Variants in IL6ST observed in about 807,000 individuals in gnomAD.
IL6ST encodes interleukin-6 receptor subunit beta.
A neutral mutation model predicts 91.3 loss-of-function variants in IL6ST; 24 were observed. The observed-to-expected ratio is 0.26, with a 90% CI of 0.19 to 0.37. The LOEUF (loss-of-function observed/expected upper bound fraction) is 0.37, where lower values mean the gene tolerates loss of function less well. IL6ST is among the 10% of genes least tolerant of loss of function. The pLI is 1.00. For missense variants in IL6ST, 914 were observed against 1,078.5 expected (o/e 0.85, Z 2.14); for synonymous variants, 351 against 373.6 (o/e 0.94, Z 0.70).
chr5:55,947,348 T>C, intron 15 of IL6ST, 145 bp downstream of exon 15: 2 of 591,546 alleles, frequency 3.4e-6, no homozygotes, highest in Non-Finnish European at 6.0e-6. Flanking sequence ...ATGTTCTATA[T>C]TGTGATTATG....
At chr5:55,990,618 C>G (rs1754266529) in intron 1 of IL6ST, among the ~76,000 whole-genome samples, 1 of 152,154 alleles carries the variant, frequency 6.6e-6, no homozygotes, top group African/African-American at 2.4e-5. Context: ...TTGGATCTTT[C>G]TTTTAATTCC....
chr5:55,973,747 T>A (rs1184366070), intron 3 of IL6ST, among the ~76,000 whole-genome samples: 2 of 152,208 alleles, frequency 1.3e-5, no homozygotes, highest in African/African-American at 4.8e-5. Flanking sequence ...CCTTGAAGAT[T>A]TGGAGTATTT....
In IL6ST at chr5:55,938,681, A is replaced by C; in HGVS notation, c.*2401T>G. The C allele has an allele frequency of 5.1e-6, 1 of 197,626 alleles. No individual in the cohort carries two copies. The highest frequency in any genetic ancestry group is 1.0e-5 in the Non-Finnish European group (1 of 95,270). The allele number at this position is 197,626 out of a possible 1,614,324, so 12.2% of individuals were successfully genotyped here. On this transcript the variant is annotated 3_prime_UTR_variant, in exon 17 of 17. Transcript: ENST00000381298. ...AATAACCAGATTTCTTTGCCTACCT[A>C]AAGTACAATTTACATGCATCAACAC...
intron 14 of IL6ST, among the ~76,000 whole-genome samples, 164 bp downstream of exon 14, chr5:55,951,300 A>C (rs1012650528): frequency 6.6e-6 from 1 of 152,260 alleles, no homozygotes; most frequent in Non-Finnish European, 1.5e-5. Context: ...CAAAAAGGTG[A>C]GGAATAACAC....
rs1486749699 is a variant in IL6ST, at chr5:55,954,757, G to A, written c.1450+53C>T. The A allele has an allele frequency of 8.0e-6, 11 of 1,378,968 alleles. No homozygotes were observed. The African/African-American group carries it at 8.8e-5, about 11-fold the overall frequency. The allele number at this position is 1,378,968 out of a possible 1,614,324, so 85.4% of individuals were successfully genotyped here. On this transcript the variant is annotated intron_variant, in intron 11 of 16. Coordinates refer to ENST00000381298, the MANE Select transcript of IL6ST (RefSeq NM_002184.4). ...AACACTATAAGCAAAAGAAAAAGCTGCCTAAAGAGTTAGAAAAAGGATATC... is the reference window on the plus strand; with the variant it reads ...AACACTATAAGCAAAAGAAAAAGCTACCTAAAGAGTTAGAAAAAGGATATC...
At chr5:55,992,094 T>C (rs992512593) in intron 1 of IL6ST, among the ~76,000 whole-genome samples, 2 of 152,208 alleles carry the variant, frequency 1.3e-5, no homozygotes, top group African/African-American at 4.8e-5. Context: ...CAAACTGCTT[T>C]TGAAGTATCA....
Position 55,941,729 on chromosome 5 carries a change from A to T in IL6ST, c.2110T>A (p.Phe704Ile). ...VEIEANDKKP[F>I]PEDLKSLDLF... is the part of the protein sequence containing the mutation. The stretch of plus-strand genomic sequence containing the variant: ...TCCAATGATTTCAGATCTTCTGGAA[A>T]AGGCTTTTTGTCATTTGCTTCTATT... The change falls in exon 17 of 17, where the codon TTT becomes ATT. Residue 704 changes from phenylalanine to isoleucine, a missense_variant. Coordinates refer to ENST00000381298, the MANE Select transcript of IL6ST (RefSeq NM_002184.4). 6.2e-7 allele frequency: 1 copy of T among 1,614,084 alleles called. No individual in the cohort carries two copies. The highest frequency in any genetic ancestry group is 8.5e-7 in the Non-Finnish European group (1 of 1,180,004).
intron 1 of IL6ST, among the ~76,000 whole-genome samples, chr5:55,986,766 A>G (rs1384346842): frequency 1.3e-5 from 2 of 152,042 alleles, no homozygotes; most frequent in African/African-American, 4.8e-5. Context: ...ACTTTTCACA[A>G]TCTATCTTCA....
chr5:55,974,095 T>C (rs1753126845), intron 3 of IL6ST, among the ~76,000 whole-genome samples: 1 of 152,220 alleles, frequency 6.6e-6, no homozygotes, highest in Non-Finnish European at 1.5e-5. Context: ...AACAAGGGTA[T>C]ATCTCAGCTA....
intron 14 of IL6ST, among the ~76,000 whole-genome samples, chr5:55,948,291 T>C (rs11574779): frequency 0.033 from 5,076 of 152,252 alleles, 286 homozygotes; most frequent in African/African-American, 0.12. Context: ...ATTGGGATAA[T>C]TAACATTGGA....
intron 3 of IL6ST, among the ~76,000 whole-genome samples, chr5:55,971,727 C>T (rs968528293): frequency 3.9e-5 from 6 of 152,130 alleles, no homozygotes; most frequent in East Asian, 3.9e-4. Context: ...GGGTGAGGGT[C>T]GTGTGCTGAG....
chr5:55,949,743 T>C (rs1369013495), intron 14 of IL6ST, among the ~76,000 whole-genome samples: 1 of 152,180 alleles, frequency 6.6e-6, no homozygotes, highest in East Asian at 1.9e-4. Context: ...TCAGGAACTT[T>C]TATCATTTAT....
intron 11 of IL6ST, among the ~76,000 whole-genome samples, chr5:55,952,943 C>G (rs1272588018): frequency 1.3e-5 from 2 of 152,038 alleles, no homozygotes; most frequent in East Asian, 3.9e-4. Context: ...CACCTGTAGT[C>G]CCAGATGCTT....
At chr5:55,945,384 G>GC (rs1355991518) in intron 15 of IL6ST, among the ~76,000 whole-genome samples, 1 of 152,044 alleles carries the variant, frequency 6.6e-6, no homozygotes, top group African/African-American at 2.4e-5. Context: ...AGGTACCAAA[G>GC]CAATTCAATG....
intron 3 of IL6ST, 29 bp downstream of exon 3, chr5:55,976,186 T>TAG: frequency 8.0e-7 from 1 of 1,248,972 alleles, no homozygotes. Flanking sequence ...TTTGTGAAGT[T>TAG]AGAAGATAGG....
chr5:55,950,678 C>T (rs972714292), intron 14 of IL6ST, among the ~76,000 whole-genome samples: 4 of 151,170 alleles, frequency 2.6e-5, no homozygotes, highest in African/African-American at 9.7e-5. Context: ...GGATGGAAGG[C>T]CAACAGAGTC....
intron 6 of IL6ST, 80 bp from the exon 7 acceptor site, chr5:55,963,586 C>G (rs564497734): frequency 9.9e-7 from 1 of 1,009,944 alleles, no homozygotes; most frequent in East Asian, 2.6e-5. Context: ...TTATATTGTC[C>G]TTCCTTTATT....
intron 3 of IL6ST, among the ~76,000 whole-genome samples, chr5:55,970,409 G>A (rs1302633919): frequency 1.3e-5 from 2 of 152,194 alleles, no homozygotes; most frequent in East Asian, 3.8e-4. Context: ...CATGGCCCTG[G>A]GTATGATGGT....
intron 1 of IL6ST, among the ~76,000 whole-genome samples, chr5:55,985,490 C>T (rs1753912425): frequency 6.7e-6 from 1 of 148,710 alleles, no homozygotes; most frequent in African/African-American, 2.5e-5. Context: ...CACTGCACTC[C>T]AGCCTGGGTG....
Sources: allele counts gnomAD v4.1 joint callset (sites outside exome capture counted in the v4.1 genomes callset), GRCh38; gene constraint gnomAD v4.1.1; transcripts MANE v1.5; gene names NCBI Gene and HGNC (gene_info 2026-07-23, HGNC 2026-07-21).